NPEPPS: variants seen among roughly 807,000 people sequenced by gnomAD.
The protein encoded by NPEPPS is puromycin-sensitive aminopeptidase.
A neutral mutation model predicts 115.5 loss-of-function variants in NPEPPS; 14 were observed. That is an observed-to-expected ratio of 0.12 (90% CI 0.08 to 0.19). The LOEUF (loss-of-function observed/expected upper bound fraction) is 0.19, where lower values mean the gene tolerates loss of function less well. Ranked by LOEUF, NPEPPS falls within the 10% of genes least tolerant of loss-of-function variation. NPEPPS has a pLI of 1.00. For missense variants in NPEPPS, 523 were observed against 1,110.8 expected (o/e 0.47, Z 7.52); for synonymous variants, 285 against 390.6 (o/e 0.73, Z 3.19).
chr17:47,564,197 C>G (rs1223528818), intron 2 of NPEPPS, among the ~76,000 whole-genome samples: 1 of 151,922 alleles, frequency 6.6e-6, no homozygotes, highest in Non-Finnish European at 1.5e-5. Context: ...GTTGGGATTA[C>G]AGGTGTGAGA....
intron 2 of NPEPPS, among the ~76,000 whole-genome samples, chr17:47,551,039 G>C (rs1289362604): frequency 2.0e-5 from 3 of 152,182 alleles, no homozygotes; most frequent in Non-Finnish European, 4.4e-5. Flanking sequence ...TCAGTTTCTT[G>C]TTATAAGACA....
intron 1 of NPEPPS, among the ~76,000 whole-genome samples, chr17:47,537,359 A>G (rs1908376196): frequency 6.6e-6 from 1 of 152,178 alleles, no homozygotes; most frequent in Non-Finnish European, 1.5e-5. Context: ...AATTTTCCAG[A>G]TAACTGAAGT....
At chr17:47,593,446 C>CT in intron 12 of NPEPPS, among the ~76,000 whole-genome samples, 1 of 152,186 alleles carries the variant, frequency 6.6e-6, no homozygotes, top group South Asian at 2.1e-4. Flanking sequence ...GTAGTCCCAG[C>CT]TACTCAGGAG....
chr17:47,535,027 G>A (rs1452602882), intron 1 of NPEPPS, among the ~76,000 whole-genome samples: 5 of 151,150 alleles, frequency 3.3e-5, no homozygotes, highest in African/African-American at 1.2e-4. Flanking sequence ...GGCGGATCAC[G>A]AGGTCAGGAG....
rs1913377924 is a variant in NPEPPS at position 47,603,909 on chromosome 17, T to C, written c.1741-6T>C. ...GTTTAATAGTACTTACTGGATATCT[T>C]TGCAGTTAAACTTAGGAACAGTTGG... is the stretch of plus-strand genomic sequence containing the variant. On this transcript the variant is annotated splice_polypyrimidine_tract_variant and splice_region_variant and intron_variant, in intron 15 of 22. Coordinates refer to ENST00000322157, the MANE Select transcript of NPEPPS (RefSeq NM_006310.4). 6.2e-7 allele frequency: 1 copy of C among 1,602,102 alleles called. No homozygotes were observed. Among genetic ancestry groups the C allele is most frequent in the South Asian group, 1.1e-5 (1 of 89,422 alleles).
chr17:47,618,202 CTCTT>C (rs1914331594), intron 19 of NPEPPS, 144 bp from the exon 20 acceptor site: 4 of 586,652 alleles, frequency 6.8e-6, no homozygotes, highest in East Asian at 5.9e-5. Context: ...GAAAAGTATT[CTCTT>C]TCTTTAATAT....
rs1597883838 is a variant in NPEPPS at position 47,605,519 on chromosome 17, G to A, written c.2062G>A (p.Glu688Lys). 6.3e-7 allele frequency: 1 copy of A among 1,597,382 alleles called. No homozygotes were observed. The highest frequency in any genetic ancestry group is 2.2e-5 in the East Asian group (1 of 44,530). The part of the protein sequence containing the change: ...FVKDVFSPIG[E>K]RLGWDPKPGE... Reference sequence around the variant, plus strand: ...GAAAGATGTCTTTTCACCTATAGGGGAGAGACTGGGCTGGGACCCCAAACC... The same window carrying A: ...GAAAGATGTCTTTTCACCTATAGGGAAGAGACTGGGCTGGGACCCCAAACC... The change falls in exon 17 of 23, where the codon GAG becomes AAG. Residue 688 changes from glutamate (E) to lysine (K), a missense_variant. Physicochemically the swap from Glu to Lys is moderately conservative, Grantham distance 56. Transcript: ENST00000322157.
intron 19 of NPEPPS, among the ~76,000 whole-genome samples, chr17:47,616,738 T>G (rs1318804919): frequency 1.6e-5 from 2 of 126,590 alleles, no homozygotes; most frequent in East Asian, 2.3e-4. Flanking sequence ...TGAGCTGAGG[T>G]AACACCATTG....
chr17:47,551,966 C>CTTT lies in NPEPPS; in HGVS notation c.340+5985_340+5987dup, dbSNP rs1294867980. On this transcript the variant is annotated intron_variant, in intron 2 of 22. Transcript: ENST00000322157. ...TGATCTTGTTTGTTGGGATTTCTTT[C>CTTT]TTTTTTTTTTTTTTCTTTTTTTTTT... Among the ~76,000 whole-genome samples, 311 of 100,794 alleles carry CTTT rather than the reference C, an allele frequency of 3.1e-3. 25 individuals are homozygous for CTTT. Among genetic ancestry groups the CTTT allele is most frequent in the Non-Finnish European group, 4.0e-3 (196 of 48,424 alleles). The allele number at this position is 100,794 out of a possible 152,430, so 66.1% of individuals were successfully genotyped here.
chr17:47,551,072 C>G (rs866481834), intron 2 of NPEPPS, among the ~76,000 whole-genome samples: 1 of 152,276 alleles, frequency 6.6e-6, no homozygotes, highest in South Asian at 2.1e-4. Flanking sequence ...ACAGACTTTT[C>G]TATTTCTCAA....
In NPEPPS at chr17:47,578,027, A is replaced by G. The variant is rs1296235411; in HGVS notation, c.419-1363A>G. Among the ~76,000 whole-genome samples the G allele has an allele frequency of 3.9e-5, 6 of 152,196 alleles. No individual in the cohort carries two copies. In the South Asian group the frequency reaches 1.2e-3, roughly 32 times the overall value. On this transcript the variant is annotated intron_variant, in intron 3 of 22. Transcript: ENST00000322157. ...TTAAGACCAGCTGGCCAACATGGCA[A>G]ACCCCTGTCTCTACTAAAAATGCAA...
rs774903755 is a variant in NPEPPS at position 47,596,467 on chromosome 17, A to G, written c.1536+5A>G. The G allele has an allele frequency of 1.2e-5, 18 of 1,523,918 alleles. No homozygotes were observed. Among genetic ancestry groups the G allele is most frequent in the Non-Finnish European group, 1.6e-5 (18 of 1,116,652 alleles). 94.4% of individuals were successfully genotyped at this position (1,523,918 alleles called of 1,614,324 possible). On this transcript the variant is annotated splice_donor_5th_base_variant and intron_variant, in intron 13 of 22. Transcript: ENST00000322157. ...ATTTATGTGGAAGCTGAACAGGTAA[A>G]CATATAAAGTCTTTCCATTTGTCTG...
rs1471124503 is a variant in NPEPPS, at chr17:47,532,188, C to G, written c.255+633C>G. On this transcript the variant is annotated intron_variant, in intron 1 of 22. Coordinates refer to ENST00000322157, the MANE Select transcript of NPEPPS (RefSeq NM_006310.4). ...GGGCTGGGTTTCCAAGATGATCCGCCCCCTCCCCCTTTCCCTCAAGTGACA... is the reference window on the plus strand; with the variant it reads ...GGGCTGGGTTTCCAAGATGATCCGCGCCCTCCCCCTTTCCCTCAAGTGACA... 1.3e-5 allele frequency among the ~76,000 whole-genome samples: 2 copies of G among 152,026 alleles called. 1 individual carries two copies. The highest frequency in any genetic ancestry group is 4.1e-4 in the South Asian group (2 of 4,826).
chr17:47,573,391 T>C (rs1911316226), intron 3 of NPEPPS, among the ~76,000 whole-genome samples: 1 of 152,194 alleles, frequency 6.6e-6, no homozygotes, highest in African/African-American at 2.4e-5. Context: ...AAAGTGAATC[T>C]GATTTTCAAC....
At chr17:47,548,970 T>A (rs951001358) in intron 2 of NPEPPS, among the ~76,000 whole-genome samples, 1 of 151,978 alleles carries the variant, frequency 6.6e-6, no homozygotes, top group African/African-American at 2.4e-5. Context: ...ACTAAGAGAG[T>A]CAGGAGAGAA....
At chr17:47,583,013 T>C (rs1231226508) in intron 5 of NPEPPS, among the ~76,000 whole-genome samples, 164 bp downstream of exon 5, 1 of 150,316 alleles carries the variant, frequency 6.7e-6, no homozygotes, top group Non-Finnish European at 1.5e-5. Flanking sequence ...TTTCTTTCTT[T>C]TTTTTTTTTT....
chr17:47,541,017 G>A (rs932373140), intron 1 of NPEPPS, among the ~76,000 whole-genome samples: 16 of 152,140 alleles, frequency 1.1e-4, no homozygotes, highest in African/African-American at 3.6e-4. Context: ...AGTATAAATA[G>A]ATGAGTTTCC....
intron 3 of NPEPPS, among the ~76,000 whole-genome samples, chr17:47,573,689 G>A (rs1201842197): frequency 2.0e-5 from 3 of 152,126 alleles, no homozygotes; most frequent in Admixed American, 6.6e-5. Context: ...CACTGCCCTC[G>A]CGCCTGGGCG....
intron 2 of NPEPPS, 80 bp downstream of exon 2, chr17:47,546,073 T>TGGGAGAGA (rs148357525): frequency 1.2e-6 from 1 of 833,924 alleles, no homozygotes; most frequent in African/African-American, 1.8e-5. Context: ...TGTGTGTGTG[T>TGGGAGAGA]GAGAGAGAGA....
Sources: gnomAD v4.1 joint callset for allele counts (sites outside exome capture counted in the v4.1 genomes callset) on GRCh38, gnomAD v4.1.1 for gene constraint, MANE v1.5 for transcripts, NCBI Gene and HGNC (gene_info 2026-07-23, HGNC 2026-07-21) for gene names.